The following CDH17 variants were observed in gnomAD, a reference collection of about 807,000 sequenced individuals.
CDH17 encodes the protein cadherin 17.
Under a neutral mutation model 86.3 loss-of-function variants are expected in CDH17, and 67 were observed. That is an observed-to-expected ratio of 0.78 (90% confidence interval 0.64 to 0.95). The LOEUF is 0.95. Ranked by LOEUF, CDH17 falls within the 40% of genes least tolerant of loss-of-function variation. The pLI is 0.00. For synonymous variants in CDH17, 367 were observed against 366.4 expected, an observed-to-expected ratio of 1.00 and a Z score of -0.02; for missense variants, 993 against 1,017.6, an observed-to-expected ratio of 0.98 and a Z score of 0.33.
intron 15 of CDH17, among the ~76,000 whole-genome samples, chr8:94,143,128 T>C (rs1812670801): frequency 6.6e-6 from 1 of 152,218 alleles, no homozygotes; most frequent in Non-Finnish European, 1.5e-5. Context: ...ATATCTTAAA[T>C]AATTTGAAAG....
intron 1 of CDH17, among the ~76,000 whole-genome samples, chr8:94,200,688 C>T (rs377605109): frequency 3.3e-5 from 5 of 151,572 alleles, no homozygotes; most frequent in East Asian, 1.9e-4. Flanking sequence ...TGCTTGCAGA[C>T]GGGAACCAGG....
At position 94,159,998 on chromosome 8, in the gene CDH17, G is replaced by A; in HGVS notation, c.1524C>T (p.Thr508=). The A allele has an allele frequency of 1.2e-6, 2 of 1,611,560 alleles. No homozygotes were observed. Among genetic ancestry groups the A allele is most frequent in the Middle Eastern group, 1.7e-4 (1 of 6,050 alleles). Residue 508 remains threonine, a synonymous_variant, in exon 12 of 18, where the codon ACC becomes ACT. Transcript: ENST00000027335. ...TTTTAATTATGACATATCCGGTGTT[G>A]GTATGGGGATCTGTGTCAACCCCCA... The part of the protein sequence containing the change: ...GRLGVDTDPH[T]NTGYVIIKKP...
chr8:94,199,057 ATATATATATATATATATATATATATAT>A (rs796854241), intron 1 of CDH17, among the ~76,000 whole-genome samples: 1,636 of 27,034 alleles, frequency 0.061, 35 homozygotes, highest in Middle Eastern at 0.15. Flanking sequence ...ATATATATAT[ATATATATATATATATATATATATATAT>A]TTTTTTTTTT....
chr8:94,129,177 T>C (rs1437018815), intron 17 of CDH17, among the ~76,000 whole-genome samples: 3 of 151,174 alleles, frequency 2.0e-5, no homozygotes, highest in East Asian at 2.1e-4. Flanking sequence ...TGGAATTAAA[T>C]TGATACGTTA....
intron 15 of CDH17, among the ~76,000 whole-genome samples, chr8:94,136,491 A>T (rs1401540787): frequency 2.0e-5 from 3 of 152,120 alleles, no homozygotes; most frequent in Non-Finnish European, 2.9e-5. Flanking sequence ...CAGCTCTATC[A>T]GGTCATTTAA....
At chr8:94,138,596 G>T (rs1177592114) in intron 15 of CDH17, among the ~76,000 whole-genome samples, 2 of 152,100 alleles carry the variant, frequency 1.3e-5, no homozygotes, top group African/African-American at 2.4e-5. Context: ...TTATAGAGGG[G>T]TCTCTTAAGG....
At chr8:94,195,061 G>A (rs1490543866) in intron 1 of CDH17, among the ~76,000 whole-genome samples, 1 of 152,178 alleles carries the variant, frequency 6.6e-6, no homozygotes, top group Non-Finnish European at 1.5e-5. Context: ...TAGTGCAGTG[G>A]TGCAATCTCA....
chr8:94,205,943 A>G (rs1350935934), intron 1 of CDH17, among the ~76,000 whole-genome samples: 1 of 152,188 alleles, frequency 6.6e-6, no homozygotes, highest in East Asian at 1.9e-4. Context: ...TTTAGCTTAG[A>G]TGTTAAGGGA....
At chr8:94,162,463 C>T (rs376261548) in intron 10 of CDH17, among the ~76,000 whole-genome samples, 62 of 152,302 alleles carry the variant, frequency 4.1e-4, no homozygotes, top group African/African-American at 1.5e-3. Flanking sequence ...AGGATGGCTT[C>T]CTTTTGTGAA....
chr8:94,200,616 C>T (rs1229185959), intron 1 of CDH17, among the ~76,000 whole-genome samples: 1 of 130,472 alleles, frequency 7.7e-6, no homozygotes, highest in Non-Finnish European at 1.6e-5. Context: ...CAAACTGTGG[C>T]TGCCCCTCAC....
intron 9 of CDH17, 40 bp downstream of exon 9, chr8:94,170,357 G>C (rs1161395347): frequency 1.3e-6 from 2 of 1,598,016 alleles, no homozygotes; most frequent in African/African-American, 2.7e-5. Flanking sequence ...GAGAGAAATG[G>C]AGGGCAGTTA....
intron 1 of CDH17, among the ~76,000 whole-genome samples, chr8:94,201,009 T>C (rs1813901092): frequency 6.6e-6 from 1 of 152,068 alleles, no homozygotes; most frequent in African/African-American, 2.4e-5. Context: ...CCAGGCTAAT[T>C]TTCACTCCCT....
intron 7 of CDH17, among the ~76,000 whole-genome samples, chr8:94,173,562 A>G (rs1397943048): frequency 1.3e-5 from 2 of 152,196 alleles, no homozygotes; most frequent in African/African-American, 4.8e-5. Flanking sequence ...CACCTCAGGT[A>G]TTTCTTTATA....
chr8:94,131,543 G>C (rs1181930372), intron 15 of CDH17, among the ~76,000 whole-genome samples: 2 of 151,936 alleles, frequency 1.3e-5, no homozygotes, highest in African/African-American at 4.8e-5. Flanking sequence ...CTTTTAATTT[G>C]TGTCCCAAAC....
At chr8:94,159,321 G>C (rs182398225) in intron 12 of CDH17, among the ~76,000 whole-genome samples, 1 of 152,204 alleles carries the variant, frequency 6.6e-6, no homozygotes, top group East Asian at 1.9e-4. Flanking sequence ...ATGAGAGCCC[G>C]TGGGCTTAGC....
At chr8:94,205,323 T>C (rs1348214848) in intron 1 of CDH17, among the ~76,000 whole-genome samples, 1 of 152,206 alleles carries the variant, frequency 6.6e-6, no homozygotes, top group Non-Finnish European at 1.5e-5. Context: ...CTTTATGTAA[T>C]ATAAAGTTTA....
intron 1 of CDH17, among the ~76,000 whole-genome samples, chr8:94,203,910 A>G (rs1813971639): frequency 6.6e-6 from 1 of 152,184 alleles, no homozygotes; most frequent in Admixed American, 6.5e-5. Context: ...TAAACTCTGT[A>G]ATATAGATAT....
intron 14 of CDH17, among the ~76,000 whole-genome samples, chr8:94,146,731 G>A (rs1259271960): frequency 1.3e-5 from 2 of 152,206 alleles, no homozygotes; most frequent in East Asian, 3.8e-4. Context: ...CTTGTTCACA[G>A]TATGTGGTCA....
At chr8:94,185,311 A>ACACACC (rs1042404661) in intron 3 of CDH17, among the ~76,000 whole-genome samples, 30 of 147,928 alleles carry the variant, frequency 2.0e-4, no homozygotes, top group African/African-American at 7.7e-4. Context: ...ACACACACAC[A>ACACACC]CACCCCTGTA....
Sources: allele counts gnomAD v4.1 joint callset (sites outside exome capture counted in the v4.1 genomes callset), GRCh38; gene constraint gnomAD v4.1.1; transcripts MANE v1.5; gene names NCBI Gene and HGNC (gene_info 2026-07-23, HGNC 2026-07-21).